RORA: variants seen among roughly 807,000 people sequenced by gnomAD.
RORA encodes RAR related orphan receptor A, also known as nuclear receptor ROR-alpha.
In RORA, 7 loss-of-function variants were observed where a neutral mutation model predicts 69.5. That is an observed-to-expected ratio of 0.10 (90% CI 0.06 to 0.19). The LOEUF (loss-of-function observed/expected upper bound fraction) is 0.19, where lower values mean the gene tolerates loss of function less well. RORA is among the 10% of genes least tolerant of loss of function. The pLI is 1.00. For synonymous variants in RORA, 261 were observed against 240.8 expected (o/e 1.08, Z -0.78); for missense variants, 457 against 663.0 (o/e 0.69, Z 3.41).
At chr15:60,502,324 G>C (rs1180389575) in intron 8 of RORA, among the ~76,000 whole-genome samples, 1 of 152,152 alleles carries the variant, frequency 6.6e-6, no homozygotes, top group African/African-American at 2.4e-5. Flanking sequence ...TCACTTAACT[G>C]TAACTTTTAT....
At chr15:60,740,083 C>G (rs1282472812) in intron 1 of RORA, among the ~76,000 whole-genome samples, 1 of 152,156 alleles carries the variant, frequency 6.6e-6, no homozygotes, top group East Asian at 1.9e-4. Context: ...GCGGGGGAAA[C>G]TGGAAAGGGG....
intron 2 of RORA, chr15:60,558,229 A>G: frequency 6.2e-7 from 1 of 1,609,272 alleles, no homozygotes; most frequent in Non-Finnish European, 8.5e-7. Context: ...ACTTACACAG[A>G]CGCCAGTAAG....
chr15:61,111,395 G>C (rs2079004997), intron 1 of RORA, among the ~76,000 whole-genome samples: 1 of 152,182 alleles, frequency 6.6e-6, no homozygotes, highest in Admixed American at 6.5e-5. Flanking sequence ...AAGAAAACCT[G>C]GGTAGGGAGA....
intron 1 of RORA, among the ~76,000 whole-genome samples, chr15:61,195,234 T>C (rs139495478): frequency 3.9e-5 from 6 of 152,210 alleles, no homozygotes; most frequent in Non-Finnish European, 8.8e-5. Flanking sequence ...GCTTCCAATA[T>C]ATAATACAGT....
intron 1 of RORA, among the ~76,000 whole-genome samples, chr15:61,143,769 T>G (rs1294748734): frequency 6.6e-6 from 1 of 152,052 alleles, no homozygotes; most frequent in African/African-American, 2.4e-5. Flanking sequence ...AAAATAAATC[T>G]CAGGTGGCTC....
intron 1 of RORA, among the ~76,000 whole-genome samples, chr15:60,688,702 T>C (rs1196457486): frequency 6.6e-6 from 1 of 152,206 alleles, no homozygotes; most frequent in Non-Finnish European, 1.5e-5. Context: ...ATAACCAATA[T>C]GCTGATAAAG....
intron 1 of RORA, among the ~76,000 whole-genome samples, chr15:60,933,642 G>T (rs1047178087): frequency 2.0e-5 from 3 of 152,182 alleles, no homozygotes; most frequent in African/African-American, 7.2e-5. Flanking sequence ...GGGGGAGGAT[G>T]TCTTATTCCC....
chr15:60,738,607 T>C (rs998108552), intron 1 of RORA, among the ~76,000 whole-genome samples: 1 of 152,264 alleles, frequency 6.6e-6, no homozygotes, highest in Non-Finnish European at 1.5e-5. Flanking sequence ...CATCATTATG[T>C]ATTCATTATT....
At chr15:61,138,079 T>C (rs2079262197) in intron 1 of RORA, among the ~76,000 whole-genome samples, 1 of 152,174 alleles carries the variant, frequency 6.6e-6, no homozygotes, top group South Asian at 2.1e-4. Flanking sequence ...ATCACCTCTA[T>C]TTTGACATGC....
chr15:60,725,553 T>G (rs2071346263), intron 1 of RORA, among the ~76,000 whole-genome samples: 1 of 152,260 alleles, frequency 6.6e-6, no homozygotes, highest in Non-Finnish European at 1.5e-5. Context: ...CTCAAGCACG[T>G]ATCCTTTGTG....
intron 2 of RORA, among the ~76,000 whole-genome samples, chr15:60,591,836 C>T (rs1002589288): frequency 6.6e-6 from 1 of 152,070 alleles, no homozygotes; most frequent in African/African-American, 2.4e-5. Context: ...GCGGCACTTG[C>T]CCGGCCGGCG....
At chr15:60,924,677 C>T (rs539007342) in intron 1 of RORA, among the ~76,000 whole-genome samples, 1 of 152,188 alleles carries the variant, frequency 6.6e-6, no homozygotes, top group African/African-American at 2.4e-5. Context: ...AACCACAGGG[C>T]GGTGCGTGGA....
At chr15:61,153,080 A>G (rs1243734244) in intron 1 of RORA, among the ~76,000 whole-genome samples, 1 of 152,120 alleles carries the variant, frequency 6.6e-6, no homozygotes, top group Non-Finnish European at 1.5e-5. Flanking sequence ...TGATAATCCT[A>G]TCAGAAAAAA....
rs1567051148 is a variant in RORA, at chr15:60,515,990, TTTA to T, written c.283-1236_283-1234del. 3.5e-3 allele frequency among the ~76,000 whole-genome samples: 73 copies of T among 21,118 alleles called. 11 individuals are homozygous for T. The highest frequency in any genetic ancestry group is 4.4e-3 in the East Asian group (2 of 452). The allele number at this position is 21,118 out of a possible 152,430, so 13.9% of individuals were successfully genotyped here. A position where few individuals can be genotyped will look rare whatever the true frequency, so the allele number is the denominator to read the frequency against. On this transcript the variant is annotated intron_variant, in intron 3 of 10. Transcript: ENST00000335670. ...ATATATATTTATATATTTATATATATTTATATATATTTATATATATTTATATAT... is the reference window on the plus strand; with the variant it reads ...ATATATATTTATATATTTATATATATTATATATTTATATATATTTATATAT...
chr15:60,813,203 C>T (rs1595734364), intron 1 of RORA, among the ~76,000 whole-genome samples: 4 of 152,160 alleles, frequency 2.6e-5, no homozygotes, highest in Admixed American at 2.6e-4. Flanking sequence ...ACGGCCCCAA[C>T]CCAGGAATGA....
chr15:60,676,122 C>G (rs562114755), intron 2 of RORA, among the ~76,000 whole-genome samples: 2 of 151,866 alleles, frequency 1.3e-5, no homozygotes, highest in Non-Finnish European at 2.9e-5. Flanking sequence ...TAAAAAAAAA[C>G]GTATAGGCAA....
At chr15:60,700,491 C>A (rs1467447166) in intron 1 of RORA, among the ~76,000 whole-genome samples, 1 of 152,160 alleles carries the variant, frequency 6.6e-6, no homozygotes, top group Non-Finnish European at 1.5e-5. Context: ...TAACTCATTC[C>A]TCAAAGATAT....
At chr15:61,103,211 C>A (rs534790356) in intron 1 of RORA, among the ~76,000 whole-genome samples, 3 of 152,080 alleles carry the variant, frequency 2.0e-5, no homozygotes, top group African/African-American at 4.8e-5. Flanking sequence ...CTCTCCTGGG[C>A]GGGGCTGAGG....
intron 1 of RORA, among the ~76,000 whole-genome samples, chr15:60,888,875 G>C (rs1271354835): frequency 6.7e-6 from 1 of 149,748 alleles, no homozygotes; most frequent in African/African-American, 2.4e-5. Context: ...TCTGACCAGG[G>C]GATGGGCAGA....
Sources: allele counts gnomAD v4.1 joint callset (sites outside exome capture counted in the v4.1 genomes callset), GRCh38; gene constraint gnomAD v4.1.1; transcripts MANE v1.5; gene names NCBI Gene and HGNC (gene_info 2026-07-23, HGNC 2026-07-21).